DPP10: variants seen among roughly 807,000 people sequenced by gnomAD.
DPP10 encodes the protein dipeptidyl peptidase like 10.
DPP10 carries 33 observed loss-of-function variants against 120.9 expected under a neutral mutation model. That is an observed-to-expected ratio of 0.27 (90% CI 0.21 to 0.37). The LOEUF is 0.37. Ranked by LOEUF, DPP10 falls within the 10% of genes least tolerant of loss-of-function variation. The probability of loss-of-function intolerance (pLI) is 1.00; values close to 1 mark genes in which losing one functional copy is unlikely to be tolerated. For synonymous variants in DPP10, 337 were observed against 326.1 expected (o/e 1.03, Z -0.36); for missense variants, 816 against 942.8 (o/e 0.87, Z 1.76).
chr2:114,618,619 A>G (rs901102364), intron 1 of DPP10, among the ~76,000 whole-genome samples: 5 of 152,054 alleles, frequency 3.3e-5, no homozygotes, highest in Admixed American at 6.6e-5. Flanking sequence ...ATTTTAAATA[A>G]TAATACTAAT....
intron 24 of DPP10, among the ~76,000 whole-genome samples, chr2:115,839,440 C>T (rs1486391116): frequency 2.0e-5 from 3 of 152,030 alleles, no homozygotes; most frequent in Admixed American, 6.6e-5. Flanking sequence ...CTTTGGGAGA[C>T]CGAGGCAGGC....
intron 5 of DPP10, among the ~76,000 whole-genome samples, chr2:115,615,254 C>G (rs1319584265): frequency 6.6e-6 from 1 of 152,024 alleles, no homozygotes. Flanking sequence ...CCTTTGTGTC[C>G]ATAGATTCTT....
intron 5 of DPP10, among the ~76,000 whole-genome samples, chr2:115,647,506 C>A (rs1257367353): frequency 1.3e-5 from 2 of 151,866 alleles, no homozygotes; most frequent in Non-Finnish European, 2.9e-5. Context: ...TAAACAATAA[C>A]AAGGTAGATG....
intron 3 of DPP10, among the ~76,000 whole-genome samples, chr2:115,373,956 TACTC>T (rs1009847731): frequency 4.6e-5 from 7 of 151,694 alleles, no homozygotes; most frequent in South Asian, 2.1e-4. Flanking sequence ...TGTGAGAACT[TACTC>T]ACTATCATGA....
At chr2:114,529,760 G>T (rs1685804962) in intron 1 of DPP10, among the ~76,000 whole-genome samples, 1 of 152,060 alleles carries the variant, frequency 6.6e-6, no homozygotes, top group South Asian at 2.1e-4. Context: ...TGTCAGGGGG[G>T]TTTGTTGTAC....
chr2:114,657,184 A>G (rs1011084615), intron 1 of DPP10, among the ~76,000 whole-genome samples: 25 of 152,196 alleles, frequency 1.6e-4, no homozygotes, highest in African/African-American at 5.3e-4. Flanking sequence ...ATATATTACC[A>G]TAAAAAGTTT....
intron 1 of DPP10, among the ~76,000 whole-genome samples, chr2:114,880,291 A>G (rs1272784785): frequency 2.0e-5 from 3 of 152,202 alleles, no homozygotes; most frequent in Non-Finnish European, 2.9e-5. Context: ...ATATTGCCTC[A>G]TTAACAAATT....
At chr2:115,836,999 GA>G (rs1689608746) in intron 24 of DPP10, among the ~76,000 whole-genome samples, 1 of 152,190 alleles carries the variant, frequency 6.6e-6, no homozygotes, top group Non-Finnish European at 1.5e-5. Context: ...CAATGTTGCT[GA>G]AAAAGTAGCC....
chr2:115,686,246 C>T (rs1002674874), intron 5 of DPP10, among the ~76,000 whole-genome samples: 2 of 152,028 alleles, frequency 1.3e-5, no homozygotes, highest in Non-Finnish European at 2.9e-5. Context: ...GTCCTGTCTT[C>T]CTTAGTGCAA....
At chr2:114,622,920 G>A (rs1014856977) in intron 1 of DPP10, among the ~76,000 whole-genome samples, 3 of 152,066 alleles carry the variant, frequency 2.0e-5, no homozygotes, top group Admixed American at 6.6e-5. Context: ...TTGATGTTCT[G>A]CCATATAAAA....
chr2:115,564,989 T>G (rs2149065384), intron 5 of DPP10, among the ~76,000 whole-genome samples: 1 of 152,194 alleles, frequency 6.6e-6, no homozygotes, highest in Non-Finnish European at 1.5e-5. Context: ...GGTGAGTGAT[T>G]ACTGGAGTTT....
At chr2:115,659,335 C>T (rs1257109753) in intron 5 of DPP10, among the ~76,000 whole-genome samples, 3 of 152,142 alleles carry the variant, frequency 2.0e-5, no homozygotes, top group Non-Finnish European at 2.9e-5. Flanking sequence ...AGCAGAACCC[C>T]ATTTTCCTAC....
At chr2:114,869,699 C>A (rs1690534007) in intron 1 of DPP10, among the ~76,000 whole-genome samples, 2 of 152,166 alleles carry the variant, frequency 1.3e-5, no homozygotes, top group African/African-American at 4.8e-5. Context: ...GCATTGCATT[C>A]CCAGCACATT....
intron 7 of DPP10, among the ~76,000 whole-genome samples, chr2:115,717,843 T>C (rs2092543633): frequency 6.6e-6 from 1 of 152,132 alleles, no homozygotes; most frequent in South Asian, 2.1e-4. Flanking sequence ...ACAGTTTTAT[T>C]ATCTCAAAAT....
At chr2:115,514,675 TCACACTATC>T (rs1161526973) in intron 4 of DPP10, among the ~76,000 whole-genome samples, 1 of 151,890 alleles carries the variant, frequency 6.6e-6, no homozygotes, top group African/African-American at 2.4e-5. Context: ...CATCTTTCAG[TCACACTATC>T]CACATTACAA....
At chr2:115,622,079 G>C (rs975937641) in intron 5 of DPP10, among the ~76,000 whole-genome samples, 10 of 152,122 alleles carry the variant, frequency 6.6e-5, no homozygotes, top group Non-Finnish European at 1.3e-4. Flanking sequence ...CATTTATAGA[G>C]TTGTGCATCA....
chr2:115,244,239 T>TATATATATATATAGAGAGAG (rs1348001277), intron 1 of DPP10, among the ~76,000 whole-genome samples: 1 of 93,476 alleles, frequency 1.1e-5, no homozygotes, highest in African/African-American at 3.8e-5. Context: ...TATATATATA[T>TATATATATATATAGAGAGAG]AGAGAGAGAG....
chr2:115,520,143 C>A (rs931632440), intron 4 of DPP10, among the ~76,000 whole-genome samples: 2 of 151,960 alleles, frequency 1.3e-5, no homozygotes, highest in Non-Finnish European at 2.9e-5. Context: ...ATAGTGAAAC[C>A]CCGTCTCTAC....
intron 1 of DPP10, among the ~76,000 whole-genome samples, chr2:114,969,012 T>C (rs918003572): frequency 1.3e-5 from 2 of 152,222 alleles, no homozygotes; most frequent in Non-Finnish European, 2.9e-5. Context: ...GCATTTCATT[T>C]CATGGGGCCA....
Sources: gnomAD v4.1 joint callset for allele counts (sites outside exome capture counted in the v4.1 genomes callset) on GRCh38, gnomAD v4.1.1 for gene constraint, MANE v1.5 for transcripts, NCBI Gene and HGNC (gene_info 2026-07-23, HGNC 2026-07-21) for gene names.